The following DCTN1 variants were observed in gnomAD, a reference collection of about 807,000 sequenced individuals.
DCTN1 encodes 150 kDa dynein-associated polypeptide.
DCTN1 carries 61 observed loss-of-function variants against 161.2 expected under a neutral mutation model. The observed-to-expected ratio is 0.38, with a 90% CI of 0.31 to 0.47. The LOEUF (loss-of-function observed/expected upper bound fraction) is 0.47, where lower values mean the gene tolerates loss of function less well. Among genes scored for constraint, DCTN1 ranks in the 20% least tolerant of loss-of-function variants. The pLI, the probability that DCTN1 is intolerant of heterozygous loss-of-function variation, is 0.99. For missense variants in DCTN1, 1,404 were observed against 1,623.7 expected, an observed-to-expected ratio of 0.86 and a Z score of 2.33; for synonymous variants, 653 against 632.4, an observed-to-expected ratio of 1.03 and a Z score of -0.49.
chr2:74,365,440 G>C (rs1371515313), intron 25 of DCTN1, 75 bp downstream of exon 25: 8 of 1,607,580 alleles, frequency 5.0e-6, no homozygotes, highest in African/African-American at 1.3e-5. Context: ...CCTGAGTAGG[G>C]GTATGGGTTA....
chr2:74,391,632 T>A lies in DCTN1; in HGVS notation c.-19+162A>T, dbSNP rs549093802. ...AGAGCTGAGGTGGGTCAGACCGGCC[T>A]CGGGGCAAACGCTCAGGCGGAGCCC... On this transcript the variant is annotated intron_variant, in intron 1 of 27. Coordinates refer to the DCTN1 transcript ENST00000409240. 2.2e-5 allele frequency: 8 copies of A among 362,710 alleles called. No homozygotes were observed. In the Admixed American group the frequency reaches 2.6e-4, roughly 12 times the overall value. 22.5% of individuals were successfully genotyped at this position (362,710 alleles called of 1,614,324 possible). A position where few individuals can be genotyped will look rare whatever the true frequency, so the allele number is the denominator to read the frequency against.
intron 31 of DCTN1, 85 bp downstream of exon 31, chr2:74,361,967 A>G: frequency 7.0e-7 from 1 of 1,437,960 alleles, no homozygotes; most frequent in Non-Finnish European, 9.8e-7. Flanking sequence ...CTGAGACTCC[A>G]AAGGCCTCCT....
chr2:74,381,949 T>A (rs1199023769), upstream of DCTN1, among the ~76,000 whole-genome samples: 1 of 152,220 alleles, frequency 6.6e-6, no homozygotes. Flanking sequence ...CCAGGGATGA[T>A]GCTGACAAGG....
upstream of DCTN1, among the ~76,000 whole-genome samples, chr2:74,381,575 C>T (rs987418873): frequency 2.6e-5 from 4 of 152,216 alleles, no homozygotes; most frequent in African/African-American, 9.7e-5. Context: ...GGGCCAGGCA[C>T]ATCCTTGCAG....
chr2:74,380,120 C>A lies in DCTN1; in HGVS notation c.-83G>T. 6.7e-7 allele frequency: 1 copy of A among 1,496,124 alleles called. No individual in the cohort carries two copies. Among genetic ancestry groups the A allele is most frequent in the Non-Finnish European group, 9.3e-7 (1 of 1,078,356 alleles). 92.7% of individuals were successfully genotyped at this position (1,496,124 alleles called of 1,614,324 possible). A position where few individuals can be genotyped will look rare whatever the true frequency, so the allele number is the denominator to read the frequency against. On this transcript the variant is annotated 5_prime_UTR_variant, in exon 1 of 32. Coordinates refer to ENST00000628224, the MANE Select transcript of DCTN1 (RefSeq NM_004082.5). ...AGAAACCTAGGCAGGAGGGTCAGGG[C>A]GCTGGGCCCTCATAGAGGGACACAG...
chr2:74,382,381 CT>C (rs1675547902), upstream of DCTN1, among the ~76,000 whole-genome samples: 1 of 151,824 alleles, frequency 6.6e-6, no homozygotes, highest in African/African-American at 2.4e-5. Context: ...CGGTGGCTCA[CT>C]TGAGACCAGG....
rs558790252 is a variant in DCTN1 at position 74,388,266 on chromosome 2, A to G, written c.-19+3528T>C. ...GCCTGCAGACCCACCTATACTCAGG[A>G]GGCTGAGGGGGATCACTTGAGGCCA... On this transcript the variant is annotated intron_variant, in intron 1 of 27. Transcript: ENST00000409240. 4.6e-5 allele frequency among the ~76,000 whole-genome samples: 7 copies of G among 151,768 alleles called. No individual in the cohort carries two copies. In the South Asian group the frequency reaches 1.5e-3, roughly 32 times the overall value.
upstream of DCTN1, chr2:74,380,608 G>A: frequency 2.1e-6 from 1 of 470,848 alleles, no homozygotes. Context: ...CCAAAATAAG[G>A]GTCTCTCATC....
chr2:74,371,259 A>G, intron 8 of DCTN1, 83 bp from the exon 9 acceptor site: 3 of 1,605,802 alleles, frequency 1.9e-6, no homozygotes, highest in Non-Finnish European at 2.5e-6. Context: ...AACACAAGAA[A>G]GTGTGCAAAC....
At chr2:74,386,305 C>A (rs1194491973) in intron 1 of DCTN1, among the ~76,000 whole-genome samples, 1 of 152,180 alleles carries the variant, frequency 6.6e-6, no homozygotes, top group Non-Finnish European at 1.5e-5. Context: ...GTAAGAGATT[C>A]ATCAAATACA....
chr2:74,386,300 A>G (rs561173204), intron 1 of DCTN1, among the ~76,000 whole-genome samples: 16 of 152,296 alleles, frequency 1.1e-4, no homozygotes, highest in African/African-American at 3.6e-4. Context: ...CAGACGTAAG[A>G]GATTCATCAA....
In DCTN1 at chr2:74,366,861, C is replaced by T. The variant is rs773687992; in HGVS notation, c.2388G>A (p.Gln796=). The T allele has an allele frequency of 9.3e-6, 15 of 1,614,140 alleles. No homozygotes were observed. The African/African-American group carries it at 1.5e-4, about 16-fold the overall frequency. Reference sequence around the variant, plus strand: ...TTCGCCTTCGGATCTTCTTGCAGAACTGGCGGATGTCACTGCATGAAGTTT... The same window carrying T: ...TTCGCCTTCGGATCTTCTTGCAGAATTGGCGGATGTCACTGCATGAAGTTT... ...DLETSCSDIR[Q]FCKKIRRRMP... Residue 796 remains glutamine, a synonymous_variant, in exon 21 of 32, where the codon CAG becomes CAA. Coordinates refer to ENST00000628224, the MANE Select transcript of DCTN1 (RefSeq NM_004082.5).
In DCTN1 at chr2:74,367,972, G is replaced by A. The variant is rs758935958; in HGVS notation, c.2014C>T (p.His672Tyr). The change falls in exon 17 of 32, where the codon CAT (histidine) becomes TAT (tyrosine). Residue 672 changes from histidine (H) to tyrosine (Y), a missense_variant and splice_region_variant. By Grantham distance (83) the His-to-Tyr change is moderately conservative (BLOSUM62 2). This residue lies in a region of DCTN1 where 475 missense variants were observed against 489.8 expected (regional missense o/e 0.97). Coordinates refer to ENST00000628224, the MANE Select transcript of DCTN1 (RefSeq NM_004082.5). ...LLQATLHRYEHALSQCSVDVY... is the reference protein window; with the variant it reads ...LLQATLHRYEYALSQCSVDVY... The stretch of plus-strand genomic sequence containing the variant: ...GTGAGGGAGTCAGGAGTCACTTACT[G>A]CTCATAGCGGTGTAGCGTGGCCTGC... 1 of 1,614,214 alleles carries A rather than the reference G, an allele frequency of 6.2e-7. No homozygotes were observed. The highest frequency in any genetic ancestry group is 1.1e-5 in the South Asian group (1 of 91,084).
At position 74,369,828 on chromosome 2, in the gene DCTN1, A is replaced by G; in HGVS notation, c.1392+137T>C. The G allele has an allele frequency of 1.2e-6, 1 of 806,164 alleles. No individual in the cohort carries two copies. The highest frequency in any genetic ancestry group is 2.0e-6 in the Non-Finnish European group (1 of 512,524). 49.9% of individuals were successfully genotyped at this position (806,164 alleles called of 1,614,324 possible). ...AGATTCCATCTCAGAAAAAAAAAAA[A>G]AAAAAAAAGGCAGGGTCAGGGTAGC... On this transcript the variant is annotated intron_variant, in intron 13 of 31. Coordinates refer to ENST00000628224, the MANE Select transcript of DCTN1 (RefSeq NM_004082.5). The surrounding 1 kb of genome is among the most constrained non-coding windows in gnomAD (Gnocchi z 4.9).
chr2:74,365,634 A>G lies in DCTN1; in HGVS notation c.2910T>C (p.Asn970=), dbSNP rs182000383. 1.2e-6 allele frequency: 2 copies of G among 1,614,092 alleles called. No homozygotes were observed. The highest frequency in any genetic ancestry group is 4.5e-5 in the East Asian group (2 of 44,884). The change falls in exon 25 of 32, where the codon AAT becomes AAC. Residue 970 remains asparagine (N), a synonymous_variant. Coordinates refer to ENST00000628224, the MANE Select transcript of DCTN1 (RefSeq NM_004082.5). The part of the protein sequence containing the change: ...KIKGEELSEA[N]VRLSLLEKKL... ...TCTTCTCCAGGAGGCTCAGCCGCAC[A>G]TTGGCCTCACTTAGCTCCTCTCCCT... is the stretch of plus-strand genomic sequence containing the variant.
In DCTN1 at chr2:74,364,087, C is replaced by T. The variant is rs1388953740; in HGVS notation, c.3197-459G>A. 5 of 195,076 alleles carry T rather than the reference C, an allele frequency of 2.6e-5. No individual in the cohort carries two copies. In the East Asian group the frequency reaches 4.8e-4, roughly 19 times the overall value. The allele number at this position is 195,076 out of a possible 1,614,324, so 12.1% of individuals were successfully genotyped here. On this transcript the variant is annotated intron_variant, in intron 26 of 31. Coordinates refer to ENST00000628224, the MANE Select transcript of DCTN1 (RefSeq NM_004082.5). ...TCCCCATTGCTCTGAGGCAAAAGAC[C>T]TTCTTTTTTGGTGGGAAGTTTCATA...
chr2:74,379,426 C>A (rs1410038362), intron 1 of DCTN1, among the ~76,000 whole-genome samples: 1 of 152,218 alleles, frequency 6.6e-6, no homozygotes, highest in Non-Finnish European at 1.5e-5. Context: ...CCAAACAGCT[C>A]ATCCAGGAAG....
At chr2:74,391,506 G>A (rs955022809) in intron 1 of DCTN1, 2 of 309,010 alleles carry the variant, frequency 6.5e-6, no homozygotes, top group South Asian at 5.1e-5. Flanking sequence ...TGGATTCAGG[G>A]GCGCCTCAGA....
intron 6 of DCTN1, 84 bp downstream of exon 6, chr2:74,374,239 A>G: frequency 8.3e-7 from 1 of 1,211,782 alleles, no homozygotes. Context: ...AGATGAAGTC[A>G]ATCAGCCCCC....
Sources: gnomAD v4.1 joint callset for allele counts (sites outside exome capture counted in the v4.1 genomes callset) on GRCh38, gnomAD v4.1.1 for gene constraint, gnomAD v4.1.1 regional missense constraint, Gnocchi (gnomAD v3.1) non-coding constraint, MANE v1.5 for transcripts, NCBI Gene and HGNC (gene_info 2026-07-23, HGNC 2026-07-21) for gene names.